The following SPAG16 variants were observed in gnomAD, a reference collection of about 807,000 sequenced individuals.
SPAG16 encodes sperm associated antigen 16, also known as sperm-associated antigen 16 protein.
Under a neutral mutation model 80.4 loss-of-function variants are expected in SPAG16, and 86 were observed. The observed-to-expected ratio is 1.07, with a 90% CI of 0.90 to 1.28. The LOEUF is 1.28. Ranked by LOEUF, SPAG16 falls within the 50% of genes most tolerant of loss-of-function variation. The pLI, the probability that SPAG16 is intolerant of heterozygous loss-of-function variation, is 0.00. For synonymous variants in SPAG16, 294 were observed against 265.9 expected, an observed-to-expected ratio of 1.11 and a Z score of -1.03; for missense variants, 870 against 765.3, an observed-to-expected ratio of 1.14 and a Z score of -1.61.
At chr2:213,923,286 G>T (rs1045974683) in intron 11 of SPAG16, among the ~76,000 whole-genome samples, 22 of 152,182 alleles carry the variant, frequency 1.4e-4, no homozygotes, top group Admixed American at 1.0e-3. Flanking sequence ...GAACTGCTGG[G>T]CCAAAAGCTC....
At chr2:213,578,316 C>T (rs1432384401) in intron 10 of SPAG16, among the ~76,000 whole-genome samples, 1 of 151,954 alleles carries the variant, frequency 6.6e-6, no homozygotes, top group African/African-American at 2.4e-5. Flanking sequence ...GAAAAGCAAA[C>T]AACAATAAGT....
intron 10 of SPAG16, among the ~76,000 whole-genome samples, chr2:213,816,491 T>G (rs958224384): frequency 1.3e-5 from 2 of 152,078 alleles, no homozygotes; most frequent in African/African-American, 2.4e-5. Flanking sequence ...CTCTGTAATT[T>G]TTTTCAAATA....
chr2:213,325,725 G>C (rs2063813755), intron 5 of SPAG16, among the ~76,000 whole-genome samples: 1 of 151,626 alleles, frequency 6.6e-6, no homozygotes, highest in Non-Finnish European at 1.5e-5. Context: ...CTCCATTTAA[G>C]TTATATTTAA....
chr2:213,393,916 T>A (rs909090175), intron 9 of SPAG16, among the ~76,000 whole-genome samples: 4 of 152,160 alleles, frequency 2.6e-5, no homozygotes, highest in African/African-American at 9.6e-5. Flanking sequence ...TCTTTTGCAA[T>A]TTTTTTCCAT....
At chr2:213,337,944 A>G (rs1414234121) in intron 5 of SPAG16, among the ~76,000 whole-genome samples, 1 of 152,146 alleles carries the variant, frequency 6.6e-6, no homozygotes, top group East Asian at 1.9e-4. Flanking sequence ...GCTGAAATAA[A>G]GGAAAAAATG....
intron 15 of SPAG16, among the ~76,000 whole-genome samples, chr2:214,365,122 G>A (rs1699394438): frequency 6.6e-6 from 1 of 152,148 alleles, no homozygotes; most frequent in African/African-American, 2.4e-5. Flanking sequence ...GAGATTTCAA[G>A]CCTGAGTGAC....
Position 214,038,912 on chromosome 2 carries a change from T to C in SPAG16, c.1527+24835T>C, listed in dbSNP as rs1575927748. 2.6e-5 allele frequency among the ~76,000 whole-genome samples: 4 copies of C among 152,308 alleles called. No homozygotes were observed. In the South Asian group the frequency reaches 8.3e-4, roughly 32 times the overall value. On this transcript the variant is annotated intron_variant, in intron 13 of 15. Transcript: ENST00000331683. The stretch of plus-strand genomic sequence containing the variant: ...GCTGCATAGTATTCCATGGTGTATA[T>C]GGGCCACATTTTCTTAATCCAGTCT...
intron 10 of SPAG16, among the ~76,000 whole-genome samples, chr2:213,741,484 G>GA (rs986525645): frequency 1.3e-5 from 2 of 151,180 alleles, no homozygotes; most frequent in African/African-American, 4.8e-5. Context: ...AAAGACTAAG[G>GA]AAAAAAAAGT....
chr2:213,565,044 A>T (rs2059715832), intron 10 of SPAG16, among the ~76,000 whole-genome samples: 1 of 152,194 alleles, frequency 6.6e-6, no homozygotes. Flanking sequence ...AAACAAATTC[A>T]GTAGTAATTT....
At chr2:213,580,879 C>T (rs1047525304) in intron 10 of SPAG16, among the ~76,000 whole-genome samples, 1 of 151,856 alleles carries the variant, frequency 6.6e-6, no homozygotes, top group African/African-American at 2.4e-5. Context: ...CATGTATCTC[C>T]CAGCCTATCA....
At chr2:213,850,021 T>C (rs1648190040) in intron 10 of SPAG16, among the ~76,000 whole-genome samples, 1 of 152,172 alleles carries the variant, frequency 6.6e-6, no homozygotes, top group South Asian at 2.1e-4. Context: ...GTTCAGCTGC[T>C]AAGGTAGCAG....
intron 3 of SPAG16, among the ~76,000 whole-genome samples, chr2:213,305,098 G>A (rs2062887774): frequency 6.6e-6 from 1 of 151,930 alleles, no homozygotes. Context: ...CACTTGATTG[G>A]TTAAGTTAAC....
chr2:214,188,663 C>T (rs2057557263), intron 15 of SPAG16, among the ~76,000 whole-genome samples: 1 of 152,122 alleles, frequency 6.6e-6, no homozygotes, highest in African/African-American at 2.4e-5. Flanking sequence ...ATCTTTACTT[C>T]TAAGTCTCTT....
intron 9 of SPAG16, among the ~76,000 whole-genome samples, chr2:213,419,605 A>G (rs533212272): frequency 6.6e-6 from 1 of 152,212 alleles, no homozygotes; most frequent in Admixed American, 6.5e-5. Context: ...TTGAAAAAGA[A>G]CACCTTTTTA....
At chr2:213,619,479 AATTATTC>A (rs2061701522) in intron 10 of SPAG16, among the ~76,000 whole-genome samples, 1 of 152,158 alleles carries the variant, frequency 6.6e-6, no homozygotes. Context: ...ACAACCCCCA[AATTATTC>A]AACTAAAAAA....
At chr2:214,186,250 G>A (rs1021510824) in intron 15 of SPAG16, among the ~76,000 whole-genome samples, 13 of 152,116 alleles carry the variant, frequency 8.5e-5, no homozygotes, top group African/African-American at 2.9e-4. Flanking sequence ...GAGTCTCATA[G>A]CTCACAGTGA....
intron 15 of SPAG16, among the ~76,000 whole-genome samples, chr2:214,245,374 C>G (rs1689766482): frequency 6.6e-6 from 1 of 152,130 alleles, no homozygotes; most frequent in Admixed American, 6.6e-5. Context: ...AAACTGCCTT[C>G]TGCACCACCT....
At chr2:213,872,038 T>C (rs2075975383) in intron 11 of SPAG16, among the ~76,000 whole-genome samples, 1 of 152,140 alleles carries the variant, frequency 6.6e-6, no homozygotes, top group Non-Finnish European at 1.5e-5. Flanking sequence ...CTTATGAATA[T>C]GTCATGTTAT....
At chr2:213,628,232 G>A (rs2062027602) in intron 10 of SPAG16, among the ~76,000 whole-genome samples, 1 of 152,140 alleles carries the variant, frequency 6.6e-6, no homozygotes, top group Non-Finnish European at 1.5e-5. Context: ...TTCTTATGAG[G>A]TCAGGAAATT....
Sources: allele counts gnomAD v4.1 joint callset (sites outside exome capture counted in the v4.1 genomes callset), GRCh38; gene constraint gnomAD v4.1.1; transcripts MANE v1.5; gene names NCBI Gene and HGNC (gene_info 2026-07-23, HGNC 2026-07-21).